The following SLC44A1 variants were observed in gnomAD, a reference collection of about 807,000 sequenced individuals.
SLC44A1 encodes the protein choline transporter-like protein 1.
In SLC44A1, 26 loss-of-function variants were observed where a neutral mutation model predicts 79.3. The ratio of observed to expected loss-of-function variants is 0.33; its 90% CI spans 0.24 to 0.46. The LOEUF (loss-of-function observed/expected upper bound fraction) is 0.46, where lower values mean the gene tolerates loss of function less well. Ranked by LOEUF, SLC44A1 falls within the 20% of genes least tolerant of loss-of-function variation. SLC44A1 has a pLI of 1.00. For synonymous variants in SLC44A1, 263 were observed against 286.2 expected (o/e 0.92, Z 0.82); for missense variants, 688 against 798.1 (o/e 0.86, Z 1.66).
At chr9:105,357,781 G>C (rs187841379) in intron 6 of SLC44A1, among the ~76,000 whole-genome samples, 1 of 152,116 alleles carries the variant, frequency 6.6e-6, no homozygotes, top group Non-Finnish European at 1.5e-5. Context: ...GCCATAGTAG[G>C]CTTCAGGATG....
intron 15 of SLC44A1, among the ~76,000 whole-genome samples, chr9:105,422,149 C>T (rs1009157009): frequency 1.2e-4 from 19 of 152,112 alleles, no homozygotes; most frequent in Non-Finnish European, 2.2e-4. Flanking sequence ...CTTAGGTACT[C>T]AAGCCAAGTA....
intron 2 of SLC44A1, among the ~76,000 whole-genome samples, chr9:105,301,171 A>G (rs1455835985): frequency 6.6e-6 from 1 of 152,206 alleles, no homozygotes; most frequent in African/African-American, 2.4e-5. Flanking sequence ...ATTGTTTACA[A>G]AAACATGTAC....
intron 5 of SLC44A1, among the ~76,000 whole-genome samples, chr9:105,354,074 G>A (rs1374558457): frequency 3.9e-5 from 4 of 101,638 alleles, no homozygotes; most frequent in Non-Finnish European, 6.8e-5. Context: ...TTTTTGAGAC[G>A]GAGTCTCTCT....
At chr9:105,437,263 C>T (rs972556770) in intron 15 of SLC44A1, among the ~76,000 whole-genome samples, 4 of 152,018 alleles carry the variant, frequency 2.6e-5, no homozygotes, top group African/African-American at 9.7e-5. Flanking sequence ...CTATATCTAT[C>T]TAGATCTCGA....
rs576843234 is a variant in SLC44A1, at chr9:105,260,543, GTTC to G, written c.36+15645_36+15647del. Among the ~76,000 whole-genome samples, 7 of 152,254 alleles carry G rather than the reference GTTC, an allele frequency of 4.6e-5. No homozygotes were observed. The East Asian group carries it at 1.4e-3, about 29-fold the overall frequency. ...ACTTTAAGTGCATCACAAACTTCATGTTCTTCTTTAAGATATTGGCAAAAGTAG... is the reference window on the plus strand; with the variant it reads ...ACTTTAAGTGCATCACAAACTTCATGTTCTTTAAGATATTGGCAAAAGTAG... On this transcript the variant is annotated intron_variant, in intron 1 of 15. Transcript: ENST00000374720.
chr9:105,371,455 C>T (rs936664021), intron 12 of SLC44A1, among the ~76,000 whole-genome samples: 8 of 151,216 alleles, frequency 5.3e-5, no homozygotes, highest in Non-Finnish European at 1.5e-5. Context: ...AGGCCAGGTG[C>T]GGTGGCTCAC....
chr9:105,268,539 T>C (rs1223097470), intron 1 of SLC44A1, among the ~76,000 whole-genome samples: 3 of 152,120 alleles, frequency 2.0e-5, no homozygotes, highest in Non-Finnish European at 4.4e-5. Flanking sequence ...GTTTCGCTCT[T>C]GTTGCCCAGG....
intron 15 of SLC44A1, among the ~76,000 whole-genome samples, chr9:105,405,995 C>T (rs1007665264): frequency 6.6e-6 from 1 of 152,168 alleles, no homozygotes; most frequent in Admixed American, 6.5e-5. Context: ...GAGAAGACCA[C>T]AAACGTTCGC....
At chr9:105,373,559 G>C (rs747024196) in intron 12 of SLC44A1, among the ~76,000 whole-genome samples, 1 of 152,150 alleles carries the variant, frequency 6.6e-6, no homozygotes, top group Non-Finnish European at 1.5e-5. Flanking sequence ...CTGAACAAGG[G>C]AGAGGGAGGG....
intron 15 of SLC44A1, among the ~76,000 whole-genome samples, chr9:105,413,908 G>A (rs1457132647): frequency 1.3e-5 from 2 of 152,050 alleles, no homozygotes; most frequent in African/African-American, 4.8e-5. Flanking sequence ...TTGTAAAGCA[G>A]TATTGAGCAC....
chr9:105,333,206 C>T (rs981461400), intron 3 of SLC44A1, among the ~76,000 whole-genome samples: 2 of 152,166 alleles, frequency 1.3e-5, no homozygotes, highest in African/African-American at 2.4e-5. Flanking sequence ...GTCATTGATC[C>T]AGCCTAGGCC....
At chr9:105,411,446 CTGTGTATGTG>C (rs1026342136) in intron 15 of SLC44A1, among the ~76,000 whole-genome samples, 17 of 142,680 alleles carry the variant, frequency 1.2e-4, no homozygotes, top group Non-Finnish European at 2.6e-4. Flanking sequence ...TGGTCTCTCT[CTGTGTATGTG>C]TGTGTGTGTG....
chr9:105,421,699 T>C (rs1368431058), intron 15 of SLC44A1, among the ~76,000 whole-genome samples: 1 of 151,642 alleles, frequency 6.6e-6, no homozygotes, highest in Non-Finnish European at 1.5e-5. Context: ...GCCATTCTCC[T>C]GCCTCAGCCT....
intron 1 of SLC44A1, among the ~76,000 whole-genome samples, chr9:105,257,384 CT>C (rs1829736515): frequency 6.6e-6 from 1 of 152,220 alleles, no homozygotes; most frequent in Non-Finnish European, 1.5e-5. Context: ...GCGTGAGCCA[CT>C]GTGCCTGGCC....
At chr9:105,361,111 G>T in intron 7 of SLC44A1, 80 bp from the exon 8 acceptor site, 1 of 1,359,472 alleles carries the variant, frequency 7.4e-7, no homozygotes, top group East Asian at 2.3e-5. Flanking sequence ...TCTGTAGGAA[G>T]GGTCAAGAAA....
chr9:105,320,130 A>G (rs941983010), intron 3 of SLC44A1, among the ~76,000 whole-genome samples: 2 of 152,086 alleles, frequency 1.3e-5, no homozygotes, highest in African/African-American at 4.8e-5. Flanking sequence ...TTTTGTGTCT[A>G]CCTTTTAAAA....
chr9:105,356,685 C>A (rs147433284), intron 6 of SLC44A1, among the ~76,000 whole-genome samples: 17 of 151,980 alleles, frequency 1.1e-4, no homozygotes, highest in Middle Eastern at 3.4e-3. Context: ...GAATCAACAA[C>A]CCTCTGTTTT....
chr9:105,252,248 G>A (rs1829605803), intron 1 of SLC44A1, among the ~76,000 whole-genome samples: 2 of 152,148 alleles, frequency 1.3e-5, no homozygotes, highest in South Asian at 4.1e-4. Flanking sequence ...AATGTTTGCT[G>A]ACCCTTGCTC....
intron 3 of SLC44A1, among the ~76,000 whole-genome samples, chr9:105,321,800 T>C (rs1385615039): frequency 6.7e-6 from 1 of 149,016 alleles, no homozygotes. Flanking sequence ...TACAGAGAGT[T>C]ATAGTATTTT....
Sources: gnomAD v4.1 joint callset for allele counts (sites outside exome capture counted in the v4.1 genomes callset) on GRCh38, gnomAD v4.1.1 for gene constraint, MANE v1.5 for transcripts, NCBI Gene and HGNC (gene_info 2026-07-23, HGNC 2026-07-21) for gene names.